RELCH: variants seen among roughly 807,000 people sequenced by gnomAD.
RELCH encodes the protein RAB11 binding and LisH domain, coiled-coil and HEAT repeat containing.
A neutral mutation model predicts 150.3 loss-of-function variants in RELCH; 41 were observed. The ratio of observed to expected loss-of-function variants is 0.27; its 90% CI spans 0.21 to 0.35. The LOEUF is 0.35. Among genes scored for constraint, RELCH ranks in the 10% least tolerant of loss-of-function variants. The pLI is 1.00. For missense variants in RELCH, 1,092 were observed against 1,467.8 expected (o/e 0.74, Z 4.18); for synonymous variants, 478 against 531.8 (o/e 0.90, Z 1.39).
chr18:62,205,722 G>A (rs1310451322), intron 1 of RELCH, among the ~76,000 whole-genome samples: 1 of 152,102 alleles, frequency 6.6e-6, no homozygotes, highest in East Asian at 1.9e-4. Flanking sequence ...TTTTGTTTAT[G>A]TTGTCTTAAA....
At chr18:62,298,097 C>CCCCT (rs1264585934) in intron 27 of RELCH, among the ~76,000 whole-genome samples, 8 of 151,188 alleles carry the variant, frequency 5.3e-5, no homozygotes, top group African/African-American at 1.7e-4. Context: ...GCTTTATCCC[C>CCCCT]CCCCGTCTAA....
chr18:62,188,077 G>C (rs1200782274), intron 1 of RELCH, 46 bp downstream of exon 1: 1 of 1,490,540 alleles, frequency 6.7e-7, no homozygotes, highest in East Asian at 2.3e-5. Context: ...ATTTGGGATT[G>C]TACGGAGTTA....
chr18:62,276,653 GGGTA>G (rs1382503658), intron 22 of RELCH, among the ~76,000 whole-genome samples: 4 of 152,154 alleles, frequency 2.6e-5, no homozygotes, highest in Middle Eastern at 3.4e-3. Flanking sequence ...ATTGGAGATG[GGGTA>G]CTGATATATT....
At chr18:62,245,003 T>C in intron 11 of RELCH, 127 bp downstream of exon 11, 1 of 632,344 alleles carries the variant, frequency 1.6e-6, no homozygotes, top group Non-Finnish European at 2.9e-6. Context: ...TTAGCAGCGC[T>C]GGAGCATTCC....
chr18:62,198,313 T>G (rs1029518149), intron 1 of RELCH, among the ~76,000 whole-genome samples: 5 of 152,188 alleles, frequency 3.3e-5, no homozygotes, highest in African/African-American at 9.6e-5. Flanking sequence ...CTCTCTTTTT[T>G]TTAATCTTCA....
At chr18:62,189,041 A>G (rs2038400530) in intron 1 of RELCH, among the ~76,000 whole-genome samples, 1 of 152,126 alleles carries the variant, frequency 6.6e-6, no homozygotes, top group Non-Finnish European at 1.5e-5. Context: ...CCAAACGTAG[A>G]CGTGGTGGAA....
chr18:62,284,943 C>T (rs970847830), intron 25 of RELCH, among the ~76,000 whole-genome samples: 29 of 151,782 alleles, frequency 1.9e-4, no homozygotes, highest in African/African-American at 7.0e-4. Flanking sequence ...AATGTTCAGT[C>T]GTACATTGGA....
At chr18:62,301,968 G>T (rs2045683603) in intron 28 of RELCH, among the ~76,000 whole-genome samples, 1 of 152,202 alleles carries the variant, frequency 6.6e-6, no homozygotes, top group Non-Finnish European at 1.5e-5. Flanking sequence ...AAGTTGCTCA[G>T]AGGCCACCTA....
chr18:62,246,070 T>A (rs1344068677), intron 11 of RELCH: 6 of 152,178 alleles, frequency 3.9e-5, no homozygotes, highest in African/African-American at 2.4e-5. Flanking sequence ...CAGATTTTTT[T>A]AAAAAAGCCC....
At chr18:62,189,699 G>A (rs543003801) in intron 1 of RELCH, among the ~76,000 whole-genome samples, 1 of 152,274 alleles carries the variant, frequency 6.6e-6, no homozygotes, top group East Asian at 1.9e-4. Flanking sequence ...TCATAGCATT[G>A]TTTCTAGTGA....
Position 62,310,128 on chromosome 18 carries a change from C to A in RELCH, c.*4594C>A, listed in dbSNP as rs2045967009. ...CATTGACTTTATGATTTCATAGATG[C>A]TTTATCTTCATTTCTGATCATTACT... is the stretch of plus-strand genomic sequence containing the variant. On this transcript the variant is annotated 3_prime_UTR_variant, in exon 29 of 29. Transcript: ENST00000644646. 6.6e-6 allele frequency: 1 copy of A among 152,022 alleles called. No homozygotes were observed. Among genetic ancestry groups the A allele is most frequent in the Non-Finnish European group, 1.5e-5 (1 of 68,012 alleles). The allele number at this position is 152,022 out of a possible 1,614,324, so 9.4% of individuals were successfully genotyped here. A position where few individuals can be genotyped will look rare whatever the true frequency, so the allele number is the denominator to read the frequency against.
chr18:62,270,795 G>GC (rs2043853432), intron 20 of RELCH, among the ~76,000 whole-genome samples: 1 of 148,558 alleles, frequency 6.7e-6, no homozygotes, highest in Non-Finnish European at 1.5e-5. Context: ...TCCTCCCCCT[G>GC]CCCCCCACCC....
chr18:62,292,943 C>T (rs866610939), intron 27 of RELCH, among the ~76,000 whole-genome samples: 4 of 152,220 alleles, frequency 2.6e-5, no homozygotes, highest in South Asian at 2.1e-4. Flanking sequence ...TAAATCTCTT[C>T]GTGTTATTCT....
chr18:62,233,222 A>T (rs1341676326), intron 10 of RELCH, among the ~76,000 whole-genome samples: 1 of 151,780 alleles, frequency 6.6e-6, no homozygotes, highest in Non-Finnish European at 1.5e-5. Flanking sequence ...AATTTAAATT[A>T]TTTTATTGAA....
chr18:62,303,808 T>G (rs2045769640), intron 28 of RELCH, among the ~76,000 whole-genome samples: 1 of 152,240 alleles, frequency 6.6e-6, no homozygotes, highest in Non-Finnish European at 1.5e-5. Context: ...GCAAAGCACA[T>G]TTCATCTTGT....
At chr18:62,195,491 A>G (rs1265155664) in intron 1 of RELCH, among the ~76,000 whole-genome samples, 3 of 152,052 alleles carry the variant, frequency 2.0e-5, no homozygotes, top group African/African-American at 7.2e-5. Context: ...TCAAAATTAG[A>G]CTGTAATTTC....
intron 15 of RELCH, 48 bp downstream of exon 15, chr18:62,258,724 G>A: frequency 7.6e-7 from 1 of 1,319,078 alleles, no homozygotes; most frequent in Non-Finnish European, 1.0e-6. Context: ...TAAAAGGTCT[G>A]TCCTAAGCCA....
At chr18:62,193,719 G>A (rs532884608) in intron 1 of RELCH, among the ~76,000 whole-genome samples, 1 of 152,302 alleles carries the variant, frequency 6.6e-6, no homozygotes, top group African/African-American at 2.4e-5. Context: ...AAGCCAACTT[G>A]ATTGTAGTGA....
intron 22 of RELCH, chr18:62,275,674 G>T: frequency 2.4e-6 from 1 of 412,304 alleles, no homozygotes; most frequent in South Asian, 4.7e-5. Flanking sequence ...TGTTTTCTCA[G>T]CTTACTGGTT....
Sources: gnomAD v4.1 joint callset for allele counts (sites outside exome capture counted in the v4.1 genomes callset) on GRCh38, gnomAD v4.1.1 for gene constraint, MANE v1.5 for transcripts, NCBI Gene and HGNC (gene_info 2026-07-23, HGNC 2026-07-21) for gene names.